Variants in ULK4 observed in about 807,000 individuals in gnomAD.
The protein encoded by ULK4 is inactive serine/threonine-protein kinase ULK4.
A neutral mutation model predicts 160.6 loss-of-function variants in ULK4; 133 were observed. The ratio of observed to expected loss-of-function variants is 0.83; its 90% CI spans 0.72 to 0.96. The LOEUF is 0.96. ULK4 is among the 40% of genes least tolerant of loss of function. ULK4 has a pLI of 0.00. For missense variants in ULK4, 1,580 were observed against 1,499.5 expected, an observed-to-expected ratio of 1.05 and a Z score of -0.89; for synonymous variants, 534 against 539.8, an observed-to-expected ratio of 0.99 and a Z score of 0.15.
intron 34 of ULK4, among the ~76,000 whole-genome samples, chr3:41,429,139 A>T (rs1485926128): frequency 6.6e-6 from 1 of 152,242 alleles, no homozygotes; most frequent in Non-Finnish European, 1.5e-5. Context: ...GCCAACAAAA[A>T]TATGAAAAAA....
intron 30 of ULK4, among the ~76,000 whole-genome samples, chr3:41,621,444 C>T (rs543096083): frequency 2.2e-4 from 34 of 152,096 alleles, no homozygotes; most frequent in Non-Finnish European, 4.7e-4. Flanking sequence ...AGAACAGAGA[C>T]CTCAGAAATA....
chr3:41,373,039 T>C (rs150112268), intron 35 of ULK4, among the ~76,000 whole-genome samples: 3,077 of 151,974 alleles, frequency 0.02, 99 homozygotes, highest in African/African-American at 0.07. Context: ...AAAAAGACAA[T>C]GAAGGGCATT....
At chr3:41,794,294 T>C (rs867309507) in intron 20 of ULK4, among the ~76,000 whole-genome samples, 1 of 152,150 alleles carries the variant, frequency 6.6e-6, no homozygotes, top group Non-Finnish European at 1.5e-5. Flanking sequence ...TTAGCAGATA[T>C]CTACTGAGCA....
intron 35 of ULK4, among the ~76,000 whole-genome samples, chr3:41,320,878 C>T (rs570623279): frequency 4.3e-4 from 66 of 152,286 alleles, no homozygotes; most frequent in African/African-American, 1.2e-3. Flanking sequence ...GATCGCGCCA[C>T]TGCACTCCAG....
intron 17 of ULK4, among the ~76,000 whole-genome samples, chr3:41,840,897 C>G (rs2041898042): frequency 6.6e-6 from 1 of 151,864 alleles, no homozygotes; most frequent in East Asian, 1.9e-4. Context: ...AGGAGCGCCT[C>G]TGCCCTGCCA....
intron 32 of ULK4, among the ~76,000 whole-genome samples, chr3:41,506,071 A>G (rs757968699): frequency 7.9e-5 from 12 of 152,138 alleles, no homozygotes; most frequent in Non-Finnish European, 1.6e-4. Context: ...GTATATAGCA[A>G]AAAAAACGAA....
At chr3:41,262,587 C>G (rs143803126) in intron 35 of ULK4, among the ~76,000 whole-genome samples, 1 of 152,162 alleles carries the variant, frequency 6.6e-6, no homozygotes, top group Non-Finnish European at 1.5e-5. Context: ...CTCTCTGTAC[C>G]TGTGGGCACC....
chr3:41,715,104 T>C, intron 25 of ULK4, 133 bp downstream of exon 25: 1 of 853,686 alleles, frequency 1.2e-6, no homozygotes, highest in Non-Finnish European at 1.8e-6. Flanking sequence ...ATAAAAATAT[T>C]AAAAGGTCAC....
intron 31 of ULK4, among the ~76,000 whole-genome samples, chr3:41,595,861 C>T (rs1057133385): frequency 1.3e-5 from 2 of 152,052 alleles, no homozygotes; most frequent in Non-Finnish European, 2.9e-5. Flanking sequence ...AAAGACAGTG[C>T]CAAAGACAAT....
chr3:41,357,238 G>C (rs1181387370), intron 35 of ULK4, among the ~76,000 whole-genome samples: 1 of 152,160 alleles, frequency 6.6e-6, no homozygotes, highest in Middle Eastern at 3.2e-3. Flanking sequence ...AATACTTAAG[G>C]AAGTTAATTA....
chr3:41,548,207 C>A (rs7639154), intron 32 of ULK4, among the ~76,000 whole-genome samples: 1 of 152,052 alleles, frequency 6.6e-6, no homozygotes, highest in South Asian at 2.1e-4. Flanking sequence ...GAAGGCCCTG[C>A]TTCACCTGGT....
intron 32 of ULK4, among the ~76,000 whole-genome samples, chr3:41,541,223 T>C (rs767679997): frequency 1.1e-4 from 16 of 152,110 alleles, no homozygotes; most frequent in Admixed American, 6.6e-4. Flanking sequence ...AAGGAAGGGG[T>C]CCAGTTTCAG....
At chr3:41,631,203 T>C (rs113892788) in intron 30 of ULK4, among the ~76,000 whole-genome samples, 60 of 152,140 alleles carry the variant, frequency 3.9e-4, no homozygotes, top group Non-Finnish European at 5.6e-4. Context: ...TTAAGGTACA[T>C]ATATAGGGAG....
At chr3:41,500,370 C>T (rs1405281062) in intron 32 of ULK4, among the ~76,000 whole-genome samples, 7 of 151,778 alleles carry the variant, frequency 4.6e-5, no homozygotes, top group African/African-American at 1.7e-4. Context: ...TGTCAGGATC[C>T]CACTATACAA....
chr3:41,663,403 A>C (rs1462335143), intron 30 of ULK4, among the ~76,000 whole-genome samples: 3 of 152,150 alleles, frequency 2.0e-5, no homozygotes, highest in Admixed American at 6.5e-5. Context: ...CAGTATGCTG[A>C]CTCTAATAAG....
chr3:41,545,880 G>A (rs900184083), intron 32 of ULK4, among the ~76,000 whole-genome samples: 6 of 152,032 alleles, frequency 3.9e-5, no homozygotes, highest in Non-Finnish European at 8.8e-5. Flanking sequence ...CTGCTGAAAA[G>A]CCCAGCCAGG....
rs780765590 is a variant in ULK4 at position 41,754,402 on chromosome 3, C to A, written c.2280G>T (p.Leu760Phe). The A allele has an allele frequency of 6.2e-7, 1 of 1,613,050 alleles. No homozygotes were observed. The highest frequency in any genetic ancestry group is 1.7e-5 in the Admixed American group (1 of 59,866). Reference sequence around the variant, plus strand: ...GCAGCAACATCTCACGGTTATAAATCAAAATATATAGAAGAACCAGGAAGG... The same window carrying A: ...GCAGCAACATCTCACGGTTATAAATAAAAATATATAGAAGAACCAGGAAGG... ...AKAFLVLLYI[L>F]IYNREMLLLS... Residue 760 changes from leucine to phenylalanine, a missense_variant, in exon 22 of 37, where the codon TTG (leucine) becomes TTT (phenylalanine). Physicochemically the swap from Leu to Phe is conservative, Grantham distance 22. Coordinates refer to ENST00000301831, the MANE Select transcript of ULK4 (RefSeq NM_017886.4).
At chr3:41,531,728 G>C (rs1185949505) in intron 32 of ULK4, among the ~76,000 whole-genome samples, 1 of 152,048 alleles carries the variant, frequency 6.6e-6, no homozygotes, top group Non-Finnish European at 1.5e-5. Context: ...GTTTCAAAGA[G>C]GAAAACCAGA....
chr3:41,923,017 C>A (rs1318958335), intron 5 of ULK4, among the ~76,000 whole-genome samples: 2 of 150,934 alleles, frequency 1.3e-5, no homozygotes, highest in African/African-American at 4.9e-5. Context: ...ATTAAAAATA[C>A]AAAAAAATTA....
Sources: allele counts gnomAD v4.1 joint callset (sites outside exome capture counted in the v4.1 genomes callset), GRCh38; gene constraint gnomAD v4.1.1; transcripts MANE v1.5; gene names NCBI Gene and HGNC (gene_info 2026-07-23, HGNC 2026-07-21).